The following MACROD2 variants were observed in gnomAD, a reference collection of about 807,000 sequenced individuals.
MACROD2 encodes the protein ADP-ribose glycohydrolase MACROD2.
Under a neutral mutation model 70.4 loss-of-function variants are expected in MACROD2, and 36 were observed. The observed-to-expected ratio is 0.51, with a 90% CI of 0.39 to 0.68. The LOEUF is 0.68. MACROD2 is among the 30% of genes least tolerant of loss of function. The pLI, the probability that MACROD2 is intolerant of heterozygous loss-of-function variation, is 0.00. For missense variants in MACROD2, 496 were observed against 538.4 expected (o/e 0.92, Z 0.78); for synonymous variants, 172 against 178.8 (o/e 0.96, Z 0.30).
intron 8 of MACROD2, among the ~76,000 whole-genome samples, chr20:15,839,928 A>C (rs2064153313): frequency 6.6e-6 from 1 of 152,176 alleles, no homozygotes. Flanking sequence ...CAGTTCCCTC[A>C]TCTATGAAAT....
chr20:14,956,379 C>G (rs1438717017), intron 5 of MACROD2, among the ~76,000 whole-genome samples: 2 of 152,100 alleles, frequency 1.3e-5, no homozygotes, highest in African/African-American at 2.4e-5. Flanking sequence ...AATGGCTTCT[C>G]TAAACACGTG....
rs191163194 is a variant in MACROD2, at chr20:15,764,387, T to C, written c.646-98358T>C. On this transcript the variant is annotated intron_variant, in intron 8 of 17. Transcript: ENST00000684519. ...AATACCACCTTGAAATTCATAGTTT[T>C]CTACAGGGATGTCTAATAGGCATCT... 5.3e-5 allele frequency among the ~76,000 whole-genome samples: 8 copies of C among 152,348 alleles called. No homozygotes were observed. The East Asian group carries it at 1.5e-3, about 29-fold the overall frequency.
At chr20:15,055,797 CTTTT>C (rs11482233) in intron 5 of MACROD2, among the ~76,000 whole-genome samples, 1 of 136,810 alleles carries the variant, frequency 7.3e-6, no homozygotes, top group Non-Finnish European at 1.6e-5. Flanking sequence ...AAAGCAACAT[CTTTT>C]TTTTTTTTTT....
At chr20:14,210,160 G>A (rs2081558847) in intron 3 of MACROD2, among the ~76,000 whole-genome samples, 1 of 152,156 alleles carries the variant, frequency 6.6e-6, no homozygotes, top group Non-Finnish European at 1.5e-5. Flanking sequence ...TTCAGGCCTT[G>A]TTATCAAGCT....
At chr20:15,777,509 CT>C (rs2051744640) in intron 8 of MACROD2, among the ~76,000 whole-genome samples, 10 of 45,572 alleles carry the variant, frequency 2.2e-4, no homozygotes, top group Admixed American at 1.8e-3. Context: ...TTCCTTCCTT[CT>C]TTCCTTCCTT....
At chr20:15,010,315 C>T (rs754848114) in intron 5 of MACROD2, among the ~76,000 whole-genome samples, 5 of 152,146 alleles carry the variant, frequency 3.3e-5, no homozygotes, top group African/African-American at 7.2e-5. Context: ...TGAAGATATT[C>T]CTTAAAATGC....
At chr20:14,059,382 A>G (rs1455278006) in intron 2 of MACROD2, among the ~76,000 whole-genome samples, 1 of 152,210 alleles carries the variant, frequency 6.6e-6, no homozygotes, top group East Asian at 1.9e-4. Context: ...AAATAAGAAT[A>G]TAAGTGAAAA....
At chr20:15,298,700 A>G (rs186161867) in intron 6 of MACROD2, among the ~76,000 whole-genome samples, 129 of 152,334 alleles carry the variant, frequency 8.5e-4, no homozygotes, top group African/African-American at 2.9e-3. Flanking sequence ...TGTTGGTTAC[A>G]TTCTGCATTC....
rs769144146 is a variant in MACROD2, at chr20:15,993,230, AAG to A, written c.1153+6075_1153+6076del. Among the ~76,000 whole-genome samples the A allele has an allele frequency of 2.1e-3, 224 of 106,616 alleles. 1 individual carries two copies. Among genetic ancestry groups the A allele is most frequent in the South Asian group, 0.015 (53 of 3,442 alleles). 69.9% of individuals were successfully genotyped at this position (106,616 alleles called of 152,430 possible). On this transcript the variant is annotated intron_variant, in intron 15 of 17. Transcript: ENST00000684519. ...TAAAACTGGTTCAAAGGAGAATTTG[AAG>A]AGTGTGTGTGTGTGTGTGTGTGTGT...
chr20:15,122,450 T>A (rs2076037472), intron 5 of MACROD2, among the ~76,000 whole-genome samples: 1 of 152,212 alleles, frequency 6.6e-6, no homozygotes, highest in South Asian at 2.1e-4. Flanking sequence ...ATTTGTTGCC[T>A]TGACATTTTG....
At chr20:15,305,586 C>G (rs2077689802) in intron 6 of MACROD2, among the ~76,000 whole-genome samples, 1 of 151,978 alleles carries the variant, frequency 6.6e-6, no homozygotes, top group African/African-American at 2.4e-5. Flanking sequence ...GCTGGGTCCA[C>G]CAGGTCTGAC....
chr20:14,243,914 A>T (rs2081948581), intron 3 of MACROD2, among the ~76,000 whole-genome samples: 1 of 152,210 alleles, frequency 6.6e-6, no homozygotes, highest in Non-Finnish European at 1.5e-5. Context: ...CTATCACAGC[A>T]TATGCTAGAC....
intron 6 of MACROD2, among the ~76,000 whole-genome samples, chr20:15,427,950 A>T (rs969566355): frequency 6.6e-6 from 1 of 152,312 alleles, no homozygotes; most frequent in South Asian, 2.1e-4. Flanking sequence ...AGCTGGTAGC[A>T]TCCAGGGGTG....
chr20:14,640,297 CTG>C (rs1985018191), intron 4 of MACROD2, among the ~76,000 whole-genome samples: 1 of 152,156 alleles, frequency 6.6e-6, no homozygotes, highest in Admixed American at 6.5e-5. Context: ...AGGAAAATAA[CTG>C]TGATTTCTGC....
intron 10 of MACROD2, among the ~76,000 whole-genome samples, chr20:15,906,925 G>A (rs2065156602): frequency 6.6e-6 from 1 of 152,192 alleles, no homozygotes. Flanking sequence ...TTAAGGTGGT[G>A]TCTCAGAGGC....
chr20:14,841,369 T>C (rs571583826), intron 5 of MACROD2, among the ~76,000 whole-genome samples: 1 of 152,176 alleles, frequency 6.6e-6, no homozygotes, highest in East Asian at 1.9e-4. Flanking sequence ...ATAGAAACTT[T>C]CCACTGAGGT....
intron 5 of MACROD2, among the ~76,000 whole-genome samples, chr20:15,052,042 C>T (rs866580971): frequency 2.5e-4 from 38 of 152,272 alleles, no homozygotes; most frequent in African/African-American, 7.9e-4. Context: ...TAAGCCACTG[C>T]GCCCGGCCGG....
At chr20:15,775,251 A>G (rs12481631) in intron 8 of MACROD2, among the ~76,000 whole-genome samples, 5,872 of 152,220 alleles carry the variant, frequency 0.039, 368 homozygotes, top group East Asian at 0.29. Context: ...TGGCAGTACA[A>G]GCATGATCTG....
At chr20:14,541,860 A>C (rs1236871887) in intron 4 of MACROD2, among the ~76,000 whole-genome samples, 2 of 152,234 alleles carry the variant, frequency 1.3e-5, no homozygotes, top group African/African-American at 4.8e-5. Context: ...TCCTTTAAAT[A>C]ATATGATTCT....
Sources: gnomAD v4.1 joint callset for allele counts (sites outside exome capture counted in the v4.1 genomes callset) on GRCh38, gnomAD v4.1.1 for gene constraint, MANE v1.5 for transcripts, NCBI Gene and HGNC (gene_info 2026-07-23, HGNC 2026-07-21) for gene names.